Variants in NFIA observed in about 807,000 individuals in gnomAD.
The protein encoded by NFIA is nuclear factor I A.
In NFIA, 8 loss-of-function variants were observed where a neutral mutation model predicts 62.8. The ratio of observed to expected loss-of-function variants is 0.13; its 90% CI spans 0.07 to 0.23. The LOEUF (loss-of-function observed/expected upper bound fraction) is 0.23, where lower values mean the gene tolerates loss of function less well. Among genes scored for constraint, NFIA ranks in the 10% least tolerant of loss-of-function variants. The probability of loss-of-function intolerance (pLI) is 1.00; values close to 1 mark genes in which losing one functional copy is unlikely to be tolerated. For missense variants in NFIA, 410 were observed against 642.1 expected, an observed-to-expected ratio of 0.64 and a Z score of 3.91; for synonymous variants, 235 against 238.1, an observed-to-expected ratio of 0.99 and a Z score of 0.12.
intron 3 of NFIA, among the ~76,000 whole-genome samples, chr1:61,283,594 A>AAAAAAAAAAAAAAG (rs1658294912): frequency 4.5e-5 from 5 of 110,008 alleles, no homozygotes; most frequent in Non-Finnish European, 7.4e-5. Flanking sequence ...AAAAAAAAAA[A>AAAAAAAAAAAAAAG]AAAAAAAAAA....
intron 6 of NFIA, among the ~76,000 whole-genome samples, chr1:61,379,158 A>G (rs961166218): frequency 4.6e-5 from 7 of 152,164 alleles, no homozygotes; most frequent in Non-Finnish European, 1.5e-5. Flanking sequence ...TATCTCACAC[A>G]TGCAAGAGGA....
chr1:61,379,140 T>C (rs866613329), intron 6 of NFIA, among the ~76,000 whole-genome samples: 1 of 152,166 alleles, frequency 6.6e-6, no homozygotes, highest in African/African-American at 2.4e-5. Context: ...ATTTATCATA[T>C]TCACAAGTAT....
At chr1:61,451,295 A>G (rs1334711725) in intron 10 of NFIA, among the ~76,000 whole-genome samples, 1 of 152,210 alleles carries the variant, frequency 6.6e-6, no homozygotes, top group Non-Finnish European at 1.5e-5. Context: ...CTGTGAGGGG[A>G]AAAAGTCGTG....
At chr1:61,286,525 A>G (rs572977474) in intron 3 of NFIA, among the ~76,000 whole-genome samples, 1 of 152,262 alleles carries the variant, frequency 6.6e-6, no homozygotes, top group South Asian at 2.1e-4. Context: ...TGCTCTTGAG[A>G]ACCTGATAGT....
At chr1:61,327,302 A>G (rs1032957859) in intron 3 of NFIA, among the ~76,000 whole-genome samples, 15 of 151,908 alleles carry the variant, frequency 9.9e-5, no homozygotes, top group Non-Finnish European at 1.5e-4. Flanking sequence ...ATTTTTGGGT[A>G]CATGGATGAA....
chr1:61,116,288 C>A (rs1025800016), intron 2 of NFIA, among the ~76,000 whole-genome samples: 1 of 152,138 alleles, frequency 6.6e-6, no homozygotes, highest in Admixed American at 6.5e-5. Flanking sequence ...AAATAACTTA[C>A]AGTACATATC....
At chr1:61,106,857 A>G (rs1294121279) in intron 2 of NFIA, among the ~76,000 whole-genome samples, 1 of 151,446 alleles carries the variant, frequency 6.6e-6, no homozygotes, top group African/African-American at 2.4e-5. Context: ...TATAAAATAA[A>G]TGGTTTATCA....
intron 3 of NFIA, among the ~76,000 whole-genome samples, chr1:61,281,717 T>A (rs902014675): frequency 3.3e-5 from 5 of 152,210 alleles, no homozygotes; most frequent in African/African-American, 1.2e-4. Flanking sequence ...CTCCTAGATG[T>A]CTTTAATTTT....
At chr1:61,273,319 C>A (rs1478127891) in intron 2 of NFIA, among the ~76,000 whole-genome samples, 3 of 152,142 alleles carry the variant, frequency 2.0e-5, no homozygotes, top group Admixed American at 1.3e-4. Flanking sequence ...ACGGCTTCAG[C>A]TCAGCCTCTG....
At chr1:61,455,241 C>T (rs1387499132) in intron 10 of NFIA, 62 bp from the exon 11 acceptor site, 3 of 1,595,894 alleles carry the variant, frequency 1.9e-6, no homozygotes, top group Non-Finnish European at 2.6e-6. Context: ...GAAAAGGCAA[C>T]TTCTAAAACA....
intron 3 of NFIA, among the ~76,000 whole-genome samples, chr1:61,309,646 T>A (rs1557697699): frequency 6.6e-6 from 1 of 152,204 alleles, no homozygotes; most frequent in Admixed American, 6.5e-5. Flanking sequence ...ATCCCAGCAC[T>A]CTGGGAGGCC....
intron 2 of NFIA, among the ~76,000 whole-genome samples, chr1:61,104,485 C>T (rs1196344889): frequency 1.3e-5 from 2 of 151,948 alleles, no homozygotes; most frequent in Non-Finnish European, 2.9e-5. Flanking sequence ...GGAAATGCAC[C>T]CACATATGTA....
intron 7 of NFIA, among the ~76,000 whole-genome samples, chr1:61,383,771 G>A (rs1379702085): frequency 6.6e-6 from 1 of 152,232 alleles, no homozygotes; most frequent in African/African-American, 2.4e-5. Flanking sequence ...TCAATTACCT[G>A]TTTTCAAGTA....
intron 3 of NFIA, among the ~76,000 whole-genome samples, chr1:61,307,020 G>A (rs528745460): frequency 6.6e-6 from 1 of 152,240 alleles, no homozygotes; most frequent in Admixed American, 6.5e-5. Flanking sequence ...AAAGTATTGG[G>A]TTGGTGAATG....
chr1:61,316,689 G>C lies in NFIA; in HGVS notation c.626-15823G>C, dbSNP rs181222855. Among the ~76,000 whole-genome samples the C allele has an allele frequency of 2.2e-4, 34 of 152,306 alleles. No homozygotes were observed. The East Asian group carries it at 5.8e-3, about 26-fold the overall frequency. On this transcript the variant is annotated intron_variant, in intron 3 of 10. Transcript: ENST00000403491. The stretch of plus-strand genomic sequence containing the variant: ...GTCTGAGATGTCCTCAACACGTTCT[G>C]TGAGTCAAAGGTTATGTTCCCTAAA...
intron 10 of NFIA, among the ~76,000 whole-genome samples, chr1:61,443,954 A>T (rs974579627): frequency 6.6e-6 from 1 of 151,978 alleles, no homozygotes; most frequent in South Asian, 2.1e-4. Flanking sequence ...AAAAATAGCC[A>T]TTTCTTCCTC....
At chr1:61,371,435 G>T (rs1202345009) in intron 6 of NFIA, among the ~76,000 whole-genome samples, 1 of 151,884 alleles carries the variant, frequency 6.6e-6, no homozygotes, top group African/African-American at 2.4e-5. Flanking sequence ...TTGTCTATCA[G>T]CATTGAAACC....
At chr1:61,406,080 T>G (rs1217112220) in intron 8 of NFIA, among the ~76,000 whole-genome samples, 1 of 152,158 alleles carries the variant, frequency 6.6e-6, no homozygotes, top group Non-Finnish European at 1.5e-5. Flanking sequence ...TTATCTCAAG[T>G]GCATATTTAG....
chr1:61,227,086 A>G (rs545898453), intron 2 of NFIA, among the ~76,000 whole-genome samples: 13 of 152,320 alleles, frequency 8.5e-5, no homozygotes, highest in Non-Finnish European at 1.3e-4. Context: ...AACCAGTGCC[A>G]TAAGATGAGT....
Sources: allele counts gnomAD v4.1 joint callset (sites outside exome capture counted in the v4.1 genomes callset), GRCh38; gene constraint gnomAD v4.1.1; transcripts MANE v1.5; gene names NCBI Gene and HGNC (gene_info 2026-07-23, HGNC 2026-07-21).